NAA15: variants seen among roughly 807,000 people sequenced by gnomAD.
NAA15 encodes N-terminal acetyltransferase.
A neutral mutation model predicts 114.0 loss-of-function variants in NAA15; 34 were observed. The observed-to-expected ratio is 0.30, with a 90% CI of 0.23 to 0.40. NAA15 has a LOEUF of 0.40. NAA15 is among the 10% of genes least tolerant of loss of function. NAA15 has a pLI of 1.00. For missense variants in NAA15, 658 were observed against 1,004.5 expected (o/e 0.66, Z 4.66); for synonymous variants, 340 against 338.0 (o/e 1.01, Z -0.06).
intron 1 of NAA15, among the ~76,000 whole-genome samples, chr4:139,305,774 TC>T (rs1189145521): frequency 6.6e-6 from 1 of 152,156 alleles, no homozygotes; most frequent in Non-Finnish European, 1.5e-5. Context: ...CCTCAAGTGA[TC>T]CACCCGCCTT....
chr4:139,389,368 C>T lies in NAA15; in HGVS notation c.*1284C>T, dbSNP rs1748990602. 3 of 152,436 alleles carry T rather than the reference C, an allele frequency of 2.0e-5. No homozygotes were observed. The highest frequency in any genetic ancestry group is 4.4e-5 in the Non-Finnish European group (3 of 68,020). The allele number at this position is 152,436 out of a possible 1,614,324, so 9.4% of individuals were successfully genotyped here. The stretch of plus-strand genomic sequence containing the variant: ...ATCTGTGTTGGGCTTCTGTGAAATA[C>T]ACAGGTGGAAACAGAGGTGCAAGCC... On this transcript the variant is annotated 3_prime_UTR_variant, in exon 20 of 20. Coordinates refer to ENST00000296543, the MANE Select transcript of NAA15 (RefSeq NM_057175.5).
intron 10 of NAA15, among the ~76,000 whole-genome samples, chr4:139,357,062 G>A (rs981847135): frequency 2.0e-5 from 3 of 151,122 alleles, no homozygotes; most frequent in African/African-American, 7.3e-5. Context: ...ATCCTGATCA[G>A]TATGCTCTCA....
At chr4:139,318,381 C>T (rs2110856723) in intron 1 of NAA15, 1 of 152,112 alleles carries the variant, frequency 6.6e-6, no homozygotes, top group Non-Finnish European at 1.5e-5. Context: ...ATATACGGTG[C>T]TTCTTTGGCA....
At chr4:139,322,819 G>A (rs574703813) in intron 1 of NAA15, among the ~76,000 whole-genome samples, 2 of 152,036 alleles carry the variant, frequency 1.3e-5, no homozygotes, top group Non-Finnish European at 2.9e-5. Context: ...AGCCTCCCGA[G>A]TAGCTGGGAT....
intron 9 of NAA15, among the ~76,000 whole-genome samples, chr4:139,352,993 TGAAA>T (rs2110939154): frequency 6.6e-6 from 1 of 152,278 alleles, no homozygotes; most frequent in Non-Finnish European, 1.5e-5. Flanking sequence ...TTTCCAGTTT[TGAAA>T]GAGTCAGACT....
intron 1 of NAA15, among the ~76,000 whole-genome samples, chr4:139,309,390 A>T (rs1746138069): frequency 6.7e-6 from 1 of 150,354 alleles, no homozygotes; most frequent in Admixed American, 6.6e-5. Context: ...AAAATCTTTT[A>T]ATAATGTGGT....
intron 5 of NAA15, among the ~76,000 whole-genome samples, chr4:139,343,334 T>G (rs112948835): frequency 6.6e-6 from 1 of 152,238 alleles, no homozygotes; most frequent in Non-Finnish European, 1.5e-5. Context: ...AATTTAACAC[T>G]GATAGACTGT....
chr4:139,336,142 T>C (rs1747194056), intron 2 of NAA15, among the ~76,000 whole-genome samples: 1 of 152,192 alleles, frequency 6.6e-6, no homozygotes, highest in South Asian at 2.1e-4. Flanking sequence ...TTAATTTCTC[T>C]CTAAAGTCTA....
chr4:139,358,766 C>T (rs1037362511), intron 11 of NAA15, among the ~76,000 whole-genome samples: 7 of 152,106 alleles, frequency 4.6e-5, no homozygotes, highest in African/African-American at 1.7e-4. Flanking sequence ...TCCATGGTTC[C>T]TTTAGCGTAC....
chr4:139,322,479 T>C (rs1746651701), intron 1 of NAA15, among the ~76,000 whole-genome samples: 1 of 152,226 alleles, frequency 6.6e-6, no homozygotes, highest in Non-Finnish European at 1.5e-5. Context: ...TAGATTAATC[T>C]TATTCCTAAG....
intron 1 of NAA15, among the ~76,000 whole-genome samples, chr4:139,313,544 CT>C (rs36015550): frequency 0.14 from 19,878 of 142,398 alleles, 1,586 homozygotes; most frequent in Non-Finnish European, 0.19. Context: ...ATATTTCTTT[CT>C]TTTTTTTTTT....
At chr4:139,387,287 GACTT>G (rs1560984986) in intron 19 of NAA15, among the ~76,000 whole-genome samples, 1 of 152,172 alleles carries the variant, frequency 6.6e-6, no homozygotes, top group Admixed American at 6.5e-5. Flanking sequence ...ATAAGAAGCA[GACTT>G]ACTTAGGGGT....
intron 3 of NAA15, among the ~76,000 whole-genome samples, chr4:139,339,784 A>C (rs922862852): frequency 3.3e-5 from 5 of 151,972 alleles, no homozygotes; most frequent in Non-Finnish European, 7.4e-5. Flanking sequence ...ACAACAAAAA[A>C]CAACAAAACC....
In NAA15 at chr4:139,343,018, G is replaced by A. The variant is rs576257179; in HGVS notation, c.537+58G>A. 31 of 1,462,926 alleles carry A rather than the reference G, an allele frequency of 2.1e-5. No homozygotes were observed. In the South Asian group the frequency reaches 3.0e-4, roughly 14 times the overall value. The allele number at this position is 1,462,926 out of a possible 1,614,324, so 90.6% of individuals were successfully genotyped here. ...TCCTAAGTATAACTAAAAAAATAAT[G>A]TGCATAGTCTGGCTTACTTTTAATT... On this transcript the variant is annotated intron_variant, in intron 5 of 19. Coordinates refer to ENST00000296543, the MANE Select transcript of NAA15 (RefSeq NM_057175.5).
intron 1 of NAA15, among the ~76,000 whole-genome samples, chr4:139,323,038 TTTTTC>T (rs1204612163): frequency 7.4e-5 from 11 of 149,418 alleles, no homozygotes; most frequent in Non-Finnish European, 1.6e-4. Context: ...GGCAGATTTC[TTTTTC>T]TTTTCTTTTC....
chr4:139,357,599 G>GT (rs762048765), intron 11 of NAA15, 44 bp downstream of exon 11: 9 of 1,266,614 alleles, frequency 7.1e-6, no homozygotes, highest in Non-Finnish European at 8.8e-6. Flanking sequence ...AATGAGACTT[G>GT]TCATGAACTT....
intron 1 of NAA15, among the ~76,000 whole-genome samples, chr4:139,312,139 T>C (rs1266208860): frequency 6.6e-6 from 1 of 151,934 alleles, no homozygotes; most frequent in Non-Finnish European, 1.5e-5. Context: ...CTAAATACAA[T>C]TTTGCTCTCT....
chr4:139,305,292 C>G (rs1389282108), intron 1 of NAA15, among the ~76,000 whole-genome samples: 3 of 152,114 alleles, frequency 2.0e-5, no homozygotes, highest in Non-Finnish European at 4.4e-5. Flanking sequence ...GTGGAAGTCA[C>G]TAAATGAAGG....
At position 139,388,411 on chromosome 4, in the gene NAA15, T is replaced by G; in HGVS notation, c.*327T>G. On this transcript the variant is annotated 3_prime_UTR_variant, in exon 20 of 20. Transcript: ENST00000296543. ...AGGCTGTTACAGCTAACAAAGCAGG[T>G]GTGTGGCAGAAATATTACTTTAAAT... is the stretch of plus-strand genomic sequence containing the variant. 5.3e-6 allele frequency: 1 copy of G among 188,338 alleles called. No individual in the cohort carries two copies. The highest frequency in any genetic ancestry group is 1.2e-4 in the South Asian group (1 of 8,422). The allele number at this position is 188,338 out of a possible 1,614,324, so 11.7% of individuals were successfully genotyped here.
Sources: allele counts gnomAD v4.1 joint callset (sites outside exome capture counted in the v4.1 genomes callset), GRCh38; gene constraint gnomAD v4.1.1; transcripts MANE v1.5; gene names NCBI Gene and HGNC (gene_info 2026-07-23, HGNC 2026-07-21).